RBM20: variants seen among roughly 807,000 people sequenced by gnomAD.
RBM20 encodes the protein RNA-binding protein 20.
A neutral mutation model predicts 110.1 loss-of-function variants in RBM20; 51 were observed. The observed-to-expected ratio is 0.46, with a 90% CI of 0.37 to 0.59. RBM20 has a LOEUF of 0.59. Among genes scored for constraint, RBM20 ranks in the 20% least tolerant of loss-of-function variants. The probability of loss-of-function intolerance (pLI) is 0.00; values close to 1 mark genes in which losing one functional copy is unlikely to be tolerated. For synonymous variants in RBM20, 589 were observed against 618.2 expected (o/e 0.95, Z 0.70); for missense variants, 1,512 against 1,574.9 (o/e 0.96, Z 0.68).
In RBM20 at chr10:110,812,504, A is replaced by G. The variant is rs899167549; in HGVS notation, c.2107A>G (p.Arg703Gly). 4 of 1,551,600 alleles carry G rather than the reference A, an allele frequency of 2.6e-6. No individual in the cohort carries two copies. In the African/African-American group the frequency reaches 4.1e-5, roughly 16 times the overall value. ...WRDNGDDKRD[R>G]MDPWAHDRKH... ...GGACAACGGAGATGACAAGAGGGAC[A>G]GGATGGACCCCTGGGCACATGATCG... is the stretch of plus-strand genomic sequence containing the variant. The change falls in exon 9 of 14, where the codon AGG becomes GGG. Residue 703 changes from arginine (R) to glycine (G), a missense_variant. This residue lies in a region of RBM20 where 1,149 missense variants were observed against 1,169.4 expected (regional missense o/e 0.98). Transcript: ENST00000369519.
chr10:110,681,105 G>A (rs908389674), intron 1 of RBM20, among the ~76,000 whole-genome samples: 3 of 152,166 alleles, frequency 2.0e-5, no homozygotes, highest in African/African-American at 7.2e-5. Context: ...GACCATGCAG[G>A]GACAGCCTTT....
intron 1 of RBM20, among the ~76,000 whole-genome samples, chr10:110,672,191 T>G (rs1335512955): frequency 6.6e-6 from 1 of 152,116 alleles, no homozygotes; most frequent in East Asian, 1.9e-4. Flanking sequence ...TTGGACAGGG[T>G]TCTGCCACGA....
intron 1 of RBM20, among the ~76,000 whole-genome samples, chr10:110,713,430 G>A (rs929905710): frequency 5.3e-5 from 8 of 152,076 alleles, no homozygotes; most frequent in Non-Finnish European, 8.8e-5. Flanking sequence ...TCTCATTTTA[G>A]GTGCAATACG....
intron 1 of RBM20, among the ~76,000 whole-genome samples, chr10:110,648,939 C>T (rs954662548): frequency 6.6e-6 from 1 of 152,134 alleles, no homozygotes; most frequent in African/African-American, 2.4e-5. Flanking sequence ...AAGGACTATG[C>T]ATATGGTGCA....
rs185352075 is a variant in RBM20 at position 110,684,077 on chromosome 10, T to G, written c.191+39432T>G. On this transcript the variant is annotated intron_variant, in intron 1 of 13. Transcript: ENST00000369519. ...TCATGGAAATAATTTTTCTACAGTG[T>G]CAAGGAAAACATTGACAGACAAGAA... Among the ~76,000 whole-genome samples, 3 of 152,326 alleles carry G rather than the reference T, an allele frequency of 2.0e-5. No individual in the cohort carries two copies. In the South Asian group the frequency reaches 6.2e-4, roughly 32 times the overall value.
At chr10:110,788,702 T>C (rs1434369248) in intron 5 of RBM20, among the ~76,000 whole-genome samples, 2 of 152,304 alleles carry the variant, frequency 1.3e-5, no homozygotes, top group African/African-American at 4.8e-5. Flanking sequence ...AAATGATTAA[T>C]CCACTCTTGA....
At chr10:110,698,205 G>A (rs556284863) in intron 1 of RBM20, among the ~76,000 whole-genome samples, 1 of 152,188 alleles carries the variant, frequency 6.6e-6, no homozygotes, top group South Asian at 2.1e-4. Context: ...ACCGCGCCCG[G>A]CCCTTGTTTC....
At chr10:110,765,111 C>A (rs368979311) in intron 1 of RBM20, among the ~76,000 whole-genome samples, 14 of 152,108 alleles carry the variant, frequency 9.2e-5, no homozygotes, top group South Asian at 2.1e-4. Flanking sequence ...GCTCTTTTTA[C>A]GCTGGTTACT....
At chr10:110,655,665 C>T (rs1590597854) in intron 1 of RBM20, among the ~76,000 whole-genome samples, 1 of 152,178 alleles carries the variant, frequency 6.6e-6, no homozygotes. Flanking sequence ...GCCAGACATA[C>T]TTTTTGAACC....
chr10:110,775,269 A>G (rs908404757), intron 1 of RBM20, among the ~76,000 whole-genome samples: 3 of 152,242 alleles, frequency 2.0e-5, no homozygotes, highest in Non-Finnish European at 4.4e-5. Context: ...AAAAGAAGAA[A>G]TGGCGCATTC....
In RBM20 at chr10:110,838,298, G is replaced by A. The variant is rs1035514652; in HGVS notation, c.*2320G>A. 6.6e-6 allele frequency: 1 copy of A among 152,162 alleles called. No homozygotes were observed. The highest frequency in any genetic ancestry group is 2.4e-5 in the African/African-American group (1 of 41,434). 9.4% of individuals were successfully genotyped at this position (152,162 alleles called of 1,614,324 possible). ...TAAATTTGTTGTAATTTTATCTTTT[G>A]AGAAGACCATATGGGGGCTGCTGAA... On this transcript the variant is annotated 3_prime_UTR_variant, in exon 14 of 14. Coordinates refer to ENST00000369519, the MANE Select transcript of RBM20 (RefSeq NM_001134363.3).
chr10:110,826,157 C>T (rs1844978063), intron 12 of RBM20, among the ~76,000 whole-genome samples: 1 of 152,182 alleles, frequency 6.6e-6, no homozygotes, highest in African/African-American at 2.4e-5. Flanking sequence ...TGAGAGTTCC[C>T]AATATCCACC....
intron 13 of RBM20, chr10:110,835,165 T>A (rs1845107711): frequency 6.6e-6 from 1 of 152,192 alleles, no homozygotes. Context: ...CATAGATATG[T>A]TGCCTAGAGC....
At chr10:110,766,983 G>A (rs1338595109) in intron 1 of RBM20, among the ~76,000 whole-genome samples, 1 of 148,754 alleles carries the variant, frequency 6.7e-6, no homozygotes, top group East Asian at 2.0e-4. Flanking sequence ...CCCGGACGGG[G>A]CGGCTGGCCG....
At chr10:110,826,692 C>T (rs539774450) in intron 12 of RBM20, among the ~76,000 whole-genome samples, 3 of 151,828 alleles carry the variant, frequency 2.0e-5, no homozygotes, top group Admixed American at 1.3e-4. Flanking sequence ...AAGTGATTCT[C>T]CTGCCTCAGC....
At position 110,737,099 on chromosome 10, in the gene RBM20, C is replaced by T. The variant is rs1843678441; in HGVS notation, c.192-43702C>T. Reference sequence around the variant, plus strand: ...GGCTGAGACAGGAGAATCACTTGTACCTGGGAGGCAGAGGTTGCAGTGAGC... The same window carrying T: ...GGCTGAGACAGGAGAATCACTTGTATCTGGGAGGCAGAGGTTGCAGTGAGC... On this transcript the variant is annotated intron_variant, in intron 1 of 13. Coordinates refer to ENST00000369519, the MANE Select transcript of RBM20 (RefSeq NM_001134363.3). 1.0e-4 allele frequency among the ~76,000 whole-genome samples: 15 copies of T among 146,826 alleles called. No individual in the cohort carries two copies. The Admixed American group carries it at 1.0e-3, about 10-fold the overall frequency.
Position 110,812,405 on chromosome 10 carries a change from G to C in RBM20, c.2008G>C (p.Gly670Arg). 1 of 1,551,710 alleles carries C rather than the reference G, an allele frequency of 6.4e-7. No homozygotes were observed. Among genetic ancestry groups the C allele is most frequent in the Non-Finnish European group, 8.7e-7 (1 of 1,147,004 alleles). ...TCCGGGCCCCTCCCGGGCTGACTGG[G>C]GCAATGGCCGGGACTCCTGGGAGCA... The part of the protein sequence containing the change: ...SPPGPSRADW[G>R]NGRDSWEHSP... Residue 670 changes from glycine (G) to arginine (R), a missense_variant, in exon 9 of 14, where the codon GGC (glycine) becomes CGC (arginine). Physicochemically the swap from Gly to Arg is moderately radical, Grantham distance 125. This residue lies in a region of RBM20 where 1,149 missense variants were observed against 1,169.4 expected (regional missense o/e 0.98). Transcript: ENST00000369519.
At chr10:110,714,334 G>C (rs1862984981) in intron 1 of RBM20, among the ~76,000 whole-genome samples, 1 of 152,222 alleles carries the variant, frequency 6.6e-6, no homozygotes, top group African/African-American at 2.4e-5. Context: ...TTTGGCAGAT[G>C]TCTCTAGTAC....
intron 1 of RBM20, among the ~76,000 whole-genome samples, chr10:110,648,626 T>A (rs549602049): frequency 6.6e-6 from 1 of 152,002 alleles, no homozygotes; most frequent in Non-Finnish European, 1.5e-5. Flanking sequence ...TTGAAAATTT[T>A]AAATACCATC....
Sources: allele counts gnomAD v4.1 joint callset (sites outside exome capture counted in the v4.1 genomes callset), GRCh38; gene constraint gnomAD v4.1.1; regional missense constraint gnomAD v4.1.1; transcripts MANE v1.5; gene names NCBI Gene and HGNC (gene_info 2026-07-23, HGNC 2026-07-21).